ATG5: variants seen among roughly 807,000 people sequenced by gnomAD.
The protein encoded by ATG5 is autophagy protein 5.
ATG5 carries 14 observed loss-of-function variants against 36.5 expected under a neutral mutation model. The ratio of observed to expected loss-of-function variants is 0.38; its 90% CI spans 0.25 to 0.60. The LOEUF (loss-of-function observed/expected upper bound fraction) is 0.60. ATG5 is among the 20% of genes least tolerant of loss of function. ATG5 has a pLI of 0.60. For synonymous variants in ATG5, 95 were observed against 101.5 expected (o/e 0.94, Z 0.38); for missense variants, 195 against 326.7 (o/e 0.60, Z 3.11).
chr6:106,324,261 T>C (rs147978424), intron 1 of ATG5, among the ~76,000 whole-genome samples: 2 of 152,188 alleles, frequency 1.3e-5, no homozygotes, highest in Non-Finnish European at 2.9e-5. Flanking sequence ...CAATACACCA[T>C]AACAACTATT....
intron 6 of ATG5, 157 bp from the exon 7 acceptor site, chr6:106,202,246 T>A (rs1022482364): frequency 2.0e-6 from 1 of 506,904 alleles, no homozygotes; most frequent in Non-Finnish European, 3.5e-6. Flanking sequence ...CTGTGAAAAA[T>A]GTTTAACATG....
At chr6:106,209,839 C>T (rs963694632) in intron 6 of ATG5, among the ~76,000 whole-genome samples, 1 of 152,140 alleles carries the variant, frequency 6.6e-6, no homozygotes, top group African/African-American at 2.4e-5. Context: ...CTGTAATTAT[C>T]TCAAAATAAA....
chr6:106,208,029 T>A (rs112388450), intron 6 of ATG5, among the ~76,000 whole-genome samples: 3,742 of 152,076 alleles, frequency 0.025, 62 homozygotes, highest in African/African-American at 0.049. Flanking sequence ...GGGGCGGAGG[T>A]TGCAGTGAGC....
intron 6 of ATG5, among the ~76,000 whole-genome samples, chr6:106,211,254 G>C (rs898173201): frequency 2.6e-5 from 4 of 152,138 alleles, no homozygotes; most frequent in African/African-American, 9.7e-5. Flanking sequence ...ATAACCAAAG[G>C]GGTGAAACTT....
intron 5 of ATG5, among the ~76,000 whole-genome samples, chr6:106,262,723 TG>T (rs1779074485): frequency 3.3e-5 from 5 of 151,954 alleles, no homozygotes; most frequent in Admixed American, 3.3e-4. Context: ...AGAAGCAGGG[TG>T]GGGCATTCCT....
chr6:106,274,331 A>G (rs62422886), intron 5 of ATG5, among the ~76,000 whole-genome samples: 23,093 of 150,690 alleles, frequency 0.15, 2,110 homozygotes, highest in Non-Finnish European at 0.2. Context: ...TATATATAAA[A>G]TGAAAACTCA....
rs1262077311 is a variant in ATG5 at position 106,289,395 on chromosome 6, A to G, written c.315+3633T>C. On this transcript the variant is annotated intron_variant, in intron 4 of 7. Transcript: ENST00000369076. ...CTCCCCTAAATGAATGGAACTTAGTATATACAGAAAAAAAAAAAATCTGGG... is the reference window on the plus strand; with the variant it reads ...CTCCCCTAAATGAATGGAACTTAGTGTATACAGAAAAAAAAAAAATCTGGG... Among the ~76,000 whole-genome samples the G allele has an allele frequency of 4.0e-5, 6 of 150,668 alleles. No homozygotes were observed. The Admixed American group carries it at 4.0e-4, about 10-fold the overall frequency.
intron 4 of ATG5, among the ~76,000 whole-genome samples, chr6:106,288,252 G>A (rs7746126): frequency 0.025 from 3,738 of 152,144 alleles, 63 homozygotes; most frequent in African/African-American, 0.049. Flanking sequence ...TTACAGGCAT[G>A]AGTCACTGCC....
chr6:106,319,481 T>A (rs144653646), intron 1 of ATG5, among the ~76,000 whole-genome samples: 1 of 152,160 alleles, frequency 6.6e-6, no homozygotes, highest in African/African-American at 2.4e-5. Flanking sequence ...CAAAGTATAA[T>A]CTCCAAATCT....
At chr6:106,253,261 C>G (rs907023356) in intron 5 of ATG5, among the ~76,000 whole-genome samples, 1 of 152,152 alleles carries the variant, frequency 6.6e-6, no homozygotes, top group Non-Finnish European at 1.5e-5. Context: ...AGAATCAGCC[C>G]TTGAAAATTC....
rs143471877 is a variant in ATG5 at position 106,281,580 on chromosome 6, T to A, written c.316-1757A>T. Among the ~76,000 whole-genome samples, 589 of 152,328 alleles carry A rather than the reference T, an allele frequency of 3.9e-3. 1 individual carries two copies. Among genetic ancestry groups the A allele is most frequent in the African/African-American group, 0.013 (537 of 41,572 alleles). On this transcript the variant is annotated intron_variant, in intron 4 of 7. Transcript: ENST00000369076. ...ACAATCTGTTTATCTAAAAACTTGT[T>A]AATAGACACTGGGATTGTTTCTAGA...
At chr6:106,190,653 A>G (rs1562201051) in intron 7 of ATG5, among the ~76,000 whole-genome samples, 1 of 152,196 alleles carries the variant, frequency 6.6e-6, no homozygotes, top group Admixed American at 6.5e-5. Flanking sequence ...TCTACTTAAA[A>G]GTGAACATAA....
chr6:106,200,505 C>T (rs920211683), intron 7 of ATG5, among the ~76,000 whole-genome samples: 1 of 148,354 alleles, frequency 6.7e-6, no homozygotes, highest in African/African-American at 2.5e-5. Context: ...GACGGAGTCT[C>T]ACTCTGTCAC....
At chr6:106,318,511 C>G (rs1458868994) in intron 1 of ATG5, among the ~76,000 whole-genome samples, 1 of 152,150 alleles carries the variant, frequency 6.6e-6, no homozygotes, top group Non-Finnish European at 1.5e-5. Flanking sequence ...GTCTTACGTT[C>G]CAGCAAAGTT....
chr6:106,304,784 A>C (rs964812864), intron 3 of ATG5, among the ~76,000 whole-genome samples: 7 of 152,142 alleles, frequency 4.6e-5, no homozygotes, highest in Non-Finnish European at 1.0e-4. Flanking sequence ...AAAACTCTTC[A>C]AACCATACTC....
intron 2 of ATG5, among the ~76,000 whole-genome samples, chr6:106,315,153 C>T (rs1482082096): frequency 6.6e-6 from 1 of 152,162 alleles, no homozygotes; most frequent in African/African-American, 2.4e-5. Flanking sequence ...AGTAATCTGA[C>T]TTTCCGTAGC....
chr6:106,306,101 T>C (rs951288566), intron 3 of ATG5, among the ~76,000 whole-genome samples: 2 of 152,210 alleles, frequency 1.3e-5, no homozygotes, highest in Non-Finnish European at 2.9e-5. Context: ...TTGAATATAA[T>C]TACTTTCACA....
chr6:106,289,655 G>C (rs1306850332), intron 4 of ATG5, among the ~76,000 whole-genome samples: 1 of 140,542 alleles, frequency 7.1e-6, no homozygotes, highest in Non-Finnish European at 1.6e-5. Context: ...CTAGAAATTA[G>C]AGCTGAAACA....
At position 106,241,399 on chromosome 6, in the gene ATG5, T is replaced by C. The variant is rs577390175; in HGVS notation, c.573+6751A>G. Among the ~76,000 whole-genome samples, 23 of 152,324 alleles carry C rather than the reference T, an allele frequency of 1.5e-4. 1 individual carries two copies. The highest frequency in any genetic ancestry group is 4.6e-4 in the African/African-American group (19 of 41,584). Reference sequence around the variant, plus strand: ...AACCTTTGTGCACTGTTGGTGGGAATGTAAAGTGGTACAGCTACTACGGAA... The same window carrying C: ...AACCTTTGTGCACTGTTGGTGGGAACGTAAAGTGGTACAGCTACTACGGAA... On this transcript the variant is annotated intron_variant, in intron 6 of 7. Coordinates refer to ENST00000369076, the MANE Select transcript of ATG5 (RefSeq NM_004849.4).
Sources: gnomAD v4.1 joint callset for allele counts (sites outside exome capture counted in the v4.1 genomes callset) on GRCh38, gnomAD v4.1.1 for gene constraint, MANE v1.5 for transcripts, NCBI Gene and HGNC (gene_info 2026-07-23, HGNC 2026-07-21) for gene names.